DYNC1I1: variants seen among roughly 807,000 people sequenced by gnomAD.
The protein encoded by DYNC1I1 is cytoplasmic dynein 1 intermediate chain 1.
Under a neutral mutation model 86.6 loss-of-function variants are expected in DYNC1I1, and 43 were observed. The observed-to-expected ratio is 0.50, with a 90% CI of 0.39 to 0.64. The LOEUF is 0.64. Ranked by LOEUF, DYNC1I1 falls within the 30% of genes least tolerant of loss-of-function variation. DYNC1I1 has a pLI of 0.00. For missense variants in DYNC1I1, 604 were observed against 788.8 expected, an observed-to-expected ratio of 0.77 and a Z score of 2.81; for synonymous variants, 262 against 283.7, an observed-to-expected ratio of 0.92 and a Z score of 0.77.
At chr7:95,844,695 G>T (rs1288781047) in intron 5 of DYNC1I1, among the ~76,000 whole-genome samples, 1 of 152,046 alleles carries the variant, frequency 6.6e-6, no homozygotes, top group Non-Finnish European at 1.5e-5. Context: ...TCTGGGTGGG[G>T]GCCCCAGGAC....
chr7:95,783,962 A>T (rs1369546279), intron 1 of DYNC1I1, among the ~76,000 whole-genome samples: 1 of 152,210 alleles, frequency 6.6e-6, no homozygotes, highest in Non-Finnish European at 1.5e-5. Flanking sequence ...CATTTCTTAC[A>T]GGATTTAATT....
chr7:95,872,478 A>G (rs993498548), intron 6 of DYNC1I1, among the ~76,000 whole-genome samples: 1 of 152,180 alleles, frequency 6.6e-6, no homozygotes, highest in South Asian at 2.1e-4. Flanking sequence ...GTTCTTACAC[A>G]TTCCCATTTT....
intron 5 of DYNC1I1, among the ~76,000 whole-genome samples, chr7:95,837,077 T>G (rs1185790358): frequency 6.6e-6 from 1 of 151,154 alleles, no homozygotes; most frequent in African/African-American, 2.4e-5. Context: ...TTCTGTTCTG[T>G]TTTTTCCCCA....
At chr7:95,853,551 T>C (rs915067600) in intron 5 of DYNC1I1, among the ~76,000 whole-genome samples, 7 of 152,360 alleles carry the variant, frequency 4.6e-5, no homozygotes, top group African/African-American at 1.7e-4. Flanking sequence ...AGACATTAGA[T>C]TTATTAGGAC....
At chr7:95,927,250 G>A (rs961116826) in intron 6 of DYNC1I1, among the ~76,000 whole-genome samples, 9 of 151,932 alleles carry the variant, frequency 5.9e-5, no homozygotes, top group African/African-American at 1.7e-4. Context: ...TTATATATAC[G>A]CACCTGGAAA....
At chr7:96,099,102 GA>G (rs1163588867), downstream of DYNC1I1, among the ~76,000 whole-genome samples, 4 of 152,028 alleles carry the variant, frequency 2.6e-5, no homozygotes, top group Non-Finnish European at 5.9e-5. Context: ...AAAGTACTGG[GA>G]AAAAAAGTTT....
At chr7:95,822,445 C>CTACA (rs1165336909) in intron 4 of DYNC1I1, among the ~76,000 whole-genome samples, 7 of 152,026 alleles carry the variant, frequency 4.6e-5, no homozygotes, top group Non-Finnish European at 1.0e-4. Context: ...GTGCCAGAGG[C>CTACA]TACAATGTTT....
At chr7:95,886,220 G>A (rs1790588449) in intron 6 of DYNC1I1, among the ~76,000 whole-genome samples, 1 of 152,182 alleles carries the variant, frequency 6.6e-6, no homozygotes, top group Non-Finnish European at 1.5e-5. Flanking sequence ...CAGATCACTT[G>A]AGGCTAGGAA....
intron 14 of DYNC1I1, among the ~76,000 whole-genome samples, chr7:96,051,855 C>T (rs1459774587): frequency 6.6e-6 from 1 of 152,008 alleles, no homozygotes; most frequent in Non-Finnish European, 1.5e-5. Context: ...AACATTTTTT[C>T]CTGAGGAAGA....
At chr7:96,028,430 T>C (rs1380972853) in intron 11 of DYNC1I1, 109 bp downstream of exon 11, 11 of 1,385,468 alleles carry the variant, frequency 7.9e-6, no homozygotes, top group African/African-American at 1.4e-5. Context: ...TAGGAGGATC[T>C]ACTTTATTAT....
intron 1 of DYNC1I1, among the ~76,000 whole-genome samples, chr7:95,775,247 T>G (rs1293984659): frequency 6.6e-6 from 1 of 152,252 alleles, no homozygotes; most frequent in Non-Finnish European, 1.5e-5. Flanking sequence ...TTAACCTCTC[T>G]CTTCCGTACT....
At chr7:95,839,683 G>A (rs1733983) in intron 5 of DYNC1I1, among the ~76,000 whole-genome samples, 2,812 of 152,032 alleles carry the variant, frequency 0.018, 93 homozygotes, top group African/African-American at 0.064. Flanking sequence ...TTATGTTTTT[G>A]TGTTGCTGTT....
intron 5 of DYNC1I1, among the ~76,000 whole-genome samples, chr7:95,846,669 C>CTGTGTGTGTGTGT (rs1789441496): frequency 7.7e-6 from 1 of 129,370 alleles, no homozygotes; most frequent in African/African-American, 3.0e-5. Flanking sequence ...GTGTGTGTGA[C>CTGTGTGTGTGTGT]GAAGGGGGCC....
intron 5 of DYNC1I1, among the ~76,000 whole-genome samples, chr7:95,868,527 G>A (rs1297159111): frequency 6.6e-6 from 1 of 151,918 alleles, no homozygotes; most frequent in African/African-American, 2.4e-5. Context: ...GCTAGGGAAT[G>A]CAAGATTTTG....
At chr7:95,884,705 G>A (rs138057207) in intron 6 of DYNC1I1, among the ~76,000 whole-genome samples, 1,996 of 151,898 alleles carry the variant, frequency 0.013, 40 homozygotes, top group African/African-American at 0.046. Context: ...AGGCAGAGGC[G>A]GGAGGATAGC....
intron 4 of DYNC1I1, chr7:95,818,448 C>A: frequency 1.5e-6 from 1 of 657,088 alleles, no homozygotes; most frequent in Non-Finnish European, 2.8e-6. Flanking sequence ...AGTACAGTTG[C>A]ATACCACCAC....
intron 10 of DYNC1I1, among the ~76,000 whole-genome samples, chr7:96,003,772 G>A (rs921208656): frequency 2.0e-5 from 3 of 151,880 alleles, no homozygotes; most frequent in African/African-American, 4.8e-5. Flanking sequence ...TACCACCCCC[G>A]AGAGGGATAC....
At chr7:96,104,099 T>G (rs1030097907) in intron 16 of DYNC1I1, among the ~76,000 whole-genome samples, 1 of 152,232 alleles carries the variant, frequency 6.6e-6, no homozygotes, top group Non-Finnish European at 1.5e-5. Flanking sequence ...ATTTCTTCTT[T>G]CTGTAAAATA....
At chr7:96,018,458 A>G (rs1794454178) in intron 10 of DYNC1I1, among the ~76,000 whole-genome samples, 1 of 152,228 alleles carries the variant, frequency 6.6e-6, no homozygotes, top group East Asian at 1.9e-4. Flanking sequence ...AGACTGATAC[A>G]GCGATGTGTA....
Sources: allele counts gnomAD v4.1 joint callset (sites outside exome capture counted in the v4.1 genomes callset), GRCh38; gene constraint gnomAD v4.1.1; transcripts MANE v1.5; gene names NCBI Gene and HGNC (gene_info 2026-07-23, HGNC 2026-07-21).